Variants in ULK4 observed in about 807,000 individuals in gnomAD.
ULK4 encodes inactive serine/threonine-protein kinase ULK4.
A neutral mutation model predicts 160.6 loss-of-function variants in ULK4; 133 were observed. The ratio of observed to expected loss-of-function variants is 0.83; its 90% CI spans 0.72 to 0.96. ULK4 has a LOEUF of 0.96. Among genes scored for constraint, ULK4 ranks in the 40% least tolerant of loss-of-function variants. The pLI is 0.00. For synonymous variants in ULK4, 534 were observed against 539.8 expected, an observed-to-expected ratio of 0.99 and a Z score of 0.15; for missense variants, 1,580 against 1,499.5, an observed-to-expected ratio of 1.05 and a Z score of -0.89.
intron 35 of ULK4, among the ~76,000 whole-genome samples, chr3:41,282,483 A>C (rs2079377304): frequency 6.6e-6 from 1 of 152,234 alleles, no homozygotes; most frequent in East Asian, 1.9e-4. Context: ...CAGAGGCCTC[A>C]GAAATAACAC....
intron 31 of ULK4, among the ~76,000 whole-genome samples, chr3:41,590,825 T>C (rs143205955): frequency 6.8e-6 from 1 of 148,132 alleles, no homozygotes; most frequent in African/African-American, 2.5e-5. Flanking sequence ...AGAGGCTCAG[T>C]GTCTTATGGG....
At chr3:41,857,623 T>G (rs1221295639) in intron 17 of ULK4, among the ~76,000 whole-genome samples, 1 of 152,200 alleles carries the variant, frequency 6.6e-6, no homozygotes, top group South Asian at 2.1e-4. Flanking sequence ...GAGACTTTTA[T>G]TATGACTTTG....
chr3:41,371,921 TA>T (rs1214339492), intron 35 of ULK4, among the ~76,000 whole-genome samples: 4 of 151,654 alleles, frequency 2.6e-5, no homozygotes, highest in African/African-American at 9.7e-5. Context: ...AATTGCTAAC[TA>T]AAATAACCAG....
At chr3:41,842,744 C>T (rs2125663269) in intron 17 of ULK4, among the ~76,000 whole-genome samples, 1 of 152,326 alleles carries the variant, frequency 6.6e-6, no homozygotes, top group East Asian at 1.9e-4. Flanking sequence ...AAATAAACCT[C>T]TTTTCTTTAT....
chr3:41,729,498 A>G (rs1285915900), intron 22 of ULK4, among the ~76,000 whole-genome samples: 1 of 152,178 alleles, frequency 6.6e-6, no homozygotes, highest in African/African-American at 2.4e-5. Context: ...CTGGGACCCA[A>G]TAGCCACTGT....
At chr3:41,641,936 C>T (rs1294748725) in intron 30 of ULK4, among the ~76,000 whole-genome samples, 1 of 147,346 alleles carries the variant, frequency 6.8e-6, no homozygotes, top group East Asian at 2.0e-4. Flanking sequence ...AGTGCAATGG[C>T]GTGATCTCGG....
In ULK4 at chr3:41,954,671, A is replaced by G; in HGVS notation, c.89T>C (p.Val30Ala). ...KGRRKGTINFVAILCTDKCKR... is the reference protein window; with the variant it reads ...KGRRKGTINFAAILCTDKCKR... The stretch of plus-strand genomic sequence containing the variant: ...GCACTTATCAGTACAAAGAATGGCT[A>G]CAAAATTGATTGTTCCCTTCCGTCG... The change falls in exon 2 of 37, where the codon GTA (valine) becomes GCA (alanine). Residue 30 changes from valine (V) to alanine (A), a missense_variant. Transcript: ENST00000301831. 2 of 1,614,054 alleles carry G rather than the reference A, an allele frequency of 1.2e-6. No individual in the cohort carries two copies.
At chr3:41,834,143 T>C (rs974715169) in intron 18 of ULK4, among the ~76,000 whole-genome samples, 32 of 151,834 alleles carry the variant, frequency 2.1e-4, no homozygotes, top group African/African-American at 7.7e-4. Flanking sequence ...CCCATATACC[T>C]TTCTTCACTT....
chr3:41,818,385 C>G (rs112974104), intron 19 of ULK4, among the ~76,000 whole-genome samples: 42 of 152,164 alleles, frequency 2.8e-4, no homozygotes, highest in Non-Finnish European at 3.7e-4. Context: ...TATTTTCACT[C>G]CCACAATAGG....
chr3:41,668,646 C>T (rs1446929576), intron 29 of ULK4, among the ~76,000 whole-genome samples: 2 of 152,138 alleles, frequency 1.3e-5, no homozygotes, highest in African/African-American at 4.8e-5. Context: ...CCACATGGCA[C>T]ATGACTATAA....
chr3:41,599,979 T>G (rs190638605), intron 31 of ULK4, among the ~76,000 whole-genome samples: 1 of 152,350 alleles, frequency 6.6e-6, no homozygotes, highest in East Asian at 1.9e-4. Context: ...CATTATCCAC[T>G]AACATTGCTT....
chr3:41,386,865 T>C (rs898644654), intron 35 of ULK4, among the ~76,000 whole-genome samples: 1 of 152,156 alleles, frequency 6.6e-6, no homozygotes, highest in African/African-American at 2.4e-5. Context: ...CTGTGACATG[T>C]GATCTTGTCG....
At chr3:41,259,078 CTGA>C (rs573161857) in intron 35 of ULK4, among the ~76,000 whole-genome samples, 155 of 146,698 alleles carry the variant, frequency 1.1e-3, no homozygotes, top group African/African-American at 3.5e-3. Flanking sequence ...GTATATACAT[CTGA>C]TGATATATAT....
rs572873897 is a variant in ULK4 at position 41,709,422 on chromosome 3, C to G, written c.2635-4117G>C. 4.6e-5 allele frequency among the ~76,000 whole-genome samples: 7 copies of G among 152,298 alleles called. 1 individual carries two copies. In the South Asian group the frequency reaches 1.5e-3, roughly 32 times the overall value. ...TTGTTTTTTGAGACAGAGTCTCGCTCTGTCACCAGGCTGGAGTGCACTGGC... is the reference window on the plus strand; with the variant it reads ...TTGTTTTTTGAGACAGAGTCTCGCTGTGTCACCAGGCTGGAGTGCACTGGC... On this transcript the variant is annotated intron_variant, in intron 25 of 36. Coordinates refer to ENST00000301831, the MANE Select transcript of ULK4 (RefSeq NM_017886.4).
intron 21 of ULK4, among the ~76,000 whole-genome samples, chr3:41,776,098 A>G (rs1575689648): frequency 6.6e-6 from 1 of 150,990 alleles, no homozygotes; most frequent in South Asian, 2.1e-4. Flanking sequence ...CCACTGGCCC[A>G]TATCTCTGCC....
In ULK4 at chr3:41,961,794, G is replaced by C. The variant is rs143941134; in HGVS notation, c.-49+222C>G. 3.6e-3 allele frequency: 548 copies of C among 152,600 alleles called. 3 individuals are homozygous for C. The highest frequency in any genetic ancestry group is 5.8e-3 in the Non-Finnish European group (394 of 68,248). 9.5% of individuals were successfully genotyped at this position (152,600 alleles called of 1,614,324 possible). ...GCTGCACCCAGGTCCTAGAAGAGGCGTCCCGTGTGCCCTTAACTAACGCCC... is the reference window on the plus strand; with the variant it reads ...GCTGCACCCAGGTCCTAGAAGAGGCCTCCCGTGTGCCCTTAACTAACGCCC... On this transcript the variant is annotated intron_variant, in intron 1 of 36. Transcript: ENST00000301831.
chr3:41,618,805 C>T (rs952738655), intron 30 of ULK4, among the ~76,000 whole-genome samples: 4 of 151,956 alleles, frequency 2.6e-5, no homozygotes, highest in African/African-American at 9.7e-5. Context: ...GGGTTCAATG[C>T]CCCAATTAAA....
chr3:41,658,346 G>A (rs1023268623), intron 30 of ULK4, among the ~76,000 whole-genome samples: 4 of 152,258 alleles, frequency 2.6e-5, no homozygotes, highest in Admixed American at 1.3e-4. Flanking sequence ...TTGGCCTAGG[G>A]TATGGCCTGG....
intron 31 of ULK4, among the ~76,000 whole-genome samples, chr3:41,586,612 A>T (rs1420466575): frequency 6.6e-6 from 1 of 152,224 alleles, no homozygotes; most frequent in East Asian, 1.9e-4. Flanking sequence ...TAAACTTCAC[A>T]TTTAAAAATT....
Sources: gnomAD v4.1 joint callset for allele counts (sites outside exome capture counted in the v4.1 genomes callset) on GRCh38, gnomAD v4.1.1 for gene constraint, MANE v1.5 for transcripts, NCBI Gene and HGNC (gene_info 2026-07-23, HGNC 2026-07-21) for gene names.